Variants in ASH1L observed in about 807,000 individuals in gnomAD.
The protein encoded by ASH1L is histone-lysine N-methyltransferase ASH1L.
ASH1L carries 23 observed loss-of-function variants against 269.0 expected under a neutral mutation model. The ratio of observed to expected loss-of-function variants is 0.09; its 90% confidence interval spans 0.06 to 0.12. The LOEUF (loss-of-function observed/expected upper bound fraction) is 0.12. Among genes scored for constraint, ASH1L ranks in the 10% least tolerant of loss-of-function variants. The pLI is 1.00. For missense variants in ASH1L, 2,912 were observed against 3,567.8 expected (o/e 0.82, Z 4.68); for synonymous variants, 1,187 against 1,253.5 (o/e 0.95, Z 1.12).
At chr1:155,344,507 T>C (rs1159289049) in intron 21 of ASH1L, 2 of 405,934 alleles carry the variant, frequency 4.9e-6, no homozygotes, top group Admixed American at 4.0e-5. Context: ...AATTGTGTAG[T>C]TGCTCTACGT....
chr1:155,390,640 C>A (rs979606862), intron 7 of ASH1L, among the ~76,000 whole-genome samples: 4 of 136,580 alleles, frequency 2.9e-5, no homozygotes, highest in African/African-American at 7.9e-5. Context: ...TCTCCCCCCC[C>A]CCCCTTTTTT....
At chr1:155,362,197 G>C (rs753972960) in intron 12 of ASH1L, among the ~76,000 whole-genome samples, 3 of 151,854 alleles carry the variant, frequency 2.0e-5, no homozygotes, top group Non-Finnish European at 4.4e-5. Flanking sequence ...ACCACGCCCA[G>C]CTACTTTTTC....
chr1:155,487,118 T>C lies in ASH1L; in HGVS notation c.421-4669A>G, dbSNP rs139489595. Among the ~76,000 whole-genome samples the C allele has an allele frequency of 3.9e-5, 6 of 152,192 alleles. No homozygotes were observed. The East Asian group carries it at 1.2e-3, about 29-fold the overall frequency. On this transcript the variant is annotated intron_variant, in intron 2 of 27. Coordinates refer to ENST00000392403, the MANE Select transcript of ASH1L (RefSeq NM_018489.3). ...AGGCGGAGGTTGCAGTGAGCTGAGA[T>C]CATGCCATTGCAGTCCAGCCAGGGC...
intron 10 of ASH1L, 111 bp downstream of exon 10, chr1:155,378,170 G>T: frequency 1.3e-6 from 1 of 744,928 alleles, no homozygotes. Flanking sequence ...ATATATCTTT[G>T]TGCAACTTCT....
chr1:155,436,583 GC>G (rs1558103250), intron 5 of ASH1L, among the ~76,000 whole-genome samples: 2 of 132,844 alleles, frequency 1.5e-5, no homozygotes, highest in Non-Finnish European at 3.1e-5. Context: ...CACAACCTCC[GC>G]CTCCTGGGTT....
intron 12 of ASH1L, among the ~76,000 whole-genome samples, chr1:155,361,518 CAAAAAAAAAAA>C (rs1161207568): frequency 1.4e-4 from 5 of 36,380 alleles, no homozygotes; most frequent in Non-Finnish European, 1.3e-4. Context: ...CTCCATCTCA[CAAAAAAAAAAA>C]AAAAAAAAAA....
chr1:155,361,208 C>G (rs1654909343), intron 12 of ASH1L, among the ~76,000 whole-genome samples: 1 of 151,826 alleles, frequency 6.6e-6, no homozygotes, highest in African/African-American at 2.4e-5. Flanking sequence ...ATAGTGAAAC[C>G]CCGTCTCTAC....
chr1:155,434,245 C>A (rs201857115), intron 5 of ASH1L: 69 of 1,601,450 alleles, frequency 4.3e-5, no homozygotes, highest in Non-Finnish European at 5.8e-5. Flanking sequence ...CCTGGGCTCT[C>A]CCATGCATTC....
In ASH1L at chr1:155,337,509, A is replaced by G; in HGVS notation, c.*151T>C. 3.0e-6 allele frequency: 2 copies of G among 664,232 alleles called. No homozygotes were observed. 41.1% of individuals were successfully genotyped at this position (664,232 alleles called of 1,614,324 possible). A position where few individuals can be genotyped will look rare whatever the true frequency, so the allele number is the denominator to read the frequency against. On this transcript the variant is annotated 3_prime_UTR_variant, in exon 28 of 28. Coordinates refer to ENST00000392403, the MANE Select transcript of ASH1L (RefSeq NM_018489.3). ...TTTCCTCTCCCTCTCCACTAGCTCC[A>G]AGGCTTATTAAGTACCTAATGTCAA...
intron 10 of ASH1L, 139 bp downstream of exon 10, chr1:155,378,142 G>A (rs969681935): frequency 1.1e-4 from 62 of 562,018 alleles, no homozygotes; most frequent in Middle Eastern, 5.1e-4. Flanking sequence ...TCTGTATTCC[G>A]CCCACCCATT....
chr1:155,467,252 C>T (rs937026946), intron 3 of ASH1L, among the ~76,000 whole-genome samples: 2 of 152,158 alleles, frequency 1.3e-5, no homozygotes, highest in African/African-American at 4.8e-5. Context: ...GAAACTCTTG[C>T]TCATCCAAGT....
intron 7 of ASH1L, 27 bp from the exon 8 acceptor site, chr1:155,380,143 A>C: frequency 6.4e-6 from 10 of 1,553,114 alleles, no homozygotes; most frequent in Non-Finnish European, 8.0e-6. Flanking sequence ...TATTAATTTC[A>C]ATACCTTTTC....
At position 155,479,392 on chromosome 1, in the gene ASH1L, G is replaced by A. The variant is rs145739954; in HGVS notation, c.3478C>T (p.Arg1160Trp). Reference sequence around the variant, plus strand: ...GGCAACAAAGTAGGAGGAGATAACCGCCTCCTCCCCTTTGAGGCCTTCTTC... The same window carrying A: ...GGCAACAAAGTAGGAGGAGATAACCACCTCCTCCCCTTTGAGGCCTTCTTC... ...AMKKASKGRR[R>W]LSPPTLLPNS... Residue 1160 changes from arginine to tryptophan, a missense_variant, in exon 3 of 28, where the codon CGG becomes TGG. Coordinates refer to ENST00000392403, the MANE Select transcript of ASH1L (RefSeq NM_018489.3). 55 of 1,613,990 alleles carry A rather than the reference G, an allele frequency of 3.4e-5. No homozygotes were observed. The highest frequency in any genetic ancestry group is 4.4e-5 in the Non-Finnish European group (52 of 1,179,958).
intron 1 of ASH1L, among the ~76,000 whole-genome samples, chr1:155,530,755 C>A (rs1218545210): frequency 1.4e-5 from 2 of 143,638 alleles, no homozygotes; most frequent in South Asian, 2.3e-4. Flanking sequence ...AAAAAAAAAT[C>A]AAAAAAATTA....
intron 2 of ASH1L, among the ~76,000 whole-genome samples, chr1:155,489,080 A>G (rs946870663): frequency 6.6e-6 from 1 of 152,180 alleles, no homozygotes; most frequent in Non-Finnish European, 1.5e-5. Context: ...TTATGTGTAA[A>G]TAAGAGTTAG....
At chr1:155,341,770 T>C (rs1024645031) in intron 25 of ASH1L, among the ~76,000 whole-genome samples, 166 bp downstream of exon 25, 10 of 152,146 alleles carry the variant, frequency 6.6e-5, no homozygotes, top group African/African-American at 2.2e-4. Flanking sequence ...TGTGAGGAAA[T>C]GTACTTATGC....
At chr1:155,551,557 G>A (rs1571141939) in intron 1 of ASH1L, among the ~76,000 whole-genome samples, 1 of 149,312 alleles carries the variant, frequency 6.7e-6, no homozygotes, top group East Asian at 2.0e-4. Context: ...CTACTTGGGA[G>A]GCTGAGGCAG....
intron 2 of ASH1L, among the ~76,000 whole-genome samples, chr1:155,484,875 G>A (rs1666199625): frequency 7.1e-6 from 1 of 141,066 alleles, no homozygotes; most frequent in Non-Finnish European, 1.5e-5. Context: ...GTTGCAGTGA[G>A]CCAAGATCGT....
chr1:155,359,012 CAGA>C (rs1265114597), intron 13 of ASH1L, among the ~76,000 whole-genome samples: 1 of 152,204 alleles, frequency 6.6e-6, no homozygotes, highest in East Asian at 1.9e-4. Flanking sequence ...CCCAGCTACT[CAGA>C]AGGTTATGGT....
Sources: allele counts gnomAD v4.1 joint callset (sites outside exome capture counted in the v4.1 genomes callset), GRCh38; gene constraint gnomAD v4.1.1; transcripts MANE v1.5; gene names NCBI Gene and HGNC (gene_info 2026-07-23, HGNC 2026-07-21).